LYPD6: variants seen among roughly 807,000 people sequenced by gnomAD.
The protein encoded by LYPD6 is LY6/PLAUR domain containing 6.
In LYPD6, 15 loss-of-function variants were observed where a neutral mutation model predicts 22.7. The observed-to-expected ratio is 0.66, with a 90% CI of 0.44 to 1.02. LYPD6 has a LOEUF of 1.02. LYPD6 is among the 50% of genes least tolerant of loss of function. The pLI, the probability that LYPD6 is intolerant of heterozygous loss-of-function variation, is 0.00. For synonymous variants in LYPD6, 72 were observed against 77.5 expected (o/e 0.93, Z 0.37); for missense variants, 189 against 208.4 (o/e 0.91, Z 0.57).
At chr2:149,337,135 C>T (rs1681049733) in intron 1 of LYPD6, among the ~76,000 whole-genome samples, 1 of 152,170 alleles carries the variant, frequency 6.6e-6, no homozygotes, top group African/African-American at 2.4e-5. Flanking sequence ...GCTATGAGGA[C>T]AGGCACCGAA....
chr2:149,342,878 T>C (rs953662643), intron 1 of LYPD6, among the ~76,000 whole-genome samples: 2 of 152,236 alleles, frequency 1.3e-5, no homozygotes, highest in Non-Finnish European at 1.5e-5. Context: ...TGTTATTCTT[T>C]GGTAAGGTGA....
At chr2:149,425,870 T>C (rs1266018637) in intron 1 of LYPD6, among the ~76,000 whole-genome samples, 2 of 152,236 alleles carry the variant, frequency 1.3e-5, no homozygotes, top group Non-Finnish European at 2.9e-5. Flanking sequence ...TTAGGTTGAT[T>C]TAGCCAATCT....
chr2:149,411,734 A>C (rs1266343079), intron 1 of LYPD6, among the ~76,000 whole-genome samples: 1 of 152,234 alleles, frequency 6.6e-6, no homozygotes, highest in Non-Finnish European at 1.5e-5. Flanking sequence ...ACATGGTAAG[A>C]CAATTCAAAC....
chr2:149,435,711 A>C (rs538447316), intron 1 of LYPD6, among the ~76,000 whole-genome samples: 1 of 152,234 alleles, frequency 6.6e-6, no homozygotes. Flanking sequence ...AGTGCCTGGC[A>C]GTCACATTTA....
intron 3 of LYPD6, among the ~76,000 whole-genome samples, chr2:149,464,885 G>A (rs1405819120): frequency 1.3e-5 from 2 of 152,180 alleles, no homozygotes; most frequent in Non-Finnish European, 2.9e-5. Context: ...GAAGCTGGAG[G>A]TACAATATCC....
intron 3 of LYPD6, among the ~76,000 whole-genome samples, chr2:149,465,491 T>C (rs551865285): frequency 1.1e-4 from 17 of 152,318 alleles, no homozygotes; most frequent in African/African-American, 4.1e-4. Context: ...ACCTGGAAAA[T>C]TATTCTCTAG....
intron 1 of LYPD6, among the ~76,000 whole-genome samples, chr2:149,388,373 A>G (rs1232592378): frequency 6.6e-6 from 1 of 152,190 alleles, no homozygotes; most frequent in Non-Finnish European, 1.5e-5. Flanking sequence ...TATTTATTAT[A>G]GAGTAGAATG....
At chr2:149,428,867 C>T (rs556552110) in intron 1 of LYPD6, among the ~76,000 whole-genome samples, 5 of 152,294 alleles carry the variant, frequency 3.3e-5, no homozygotes, top group African/African-American at 7.2e-5. Flanking sequence ...AGGTAACGTT[C>T]CTACTTGTCA....
chr2:149,364,573 G>T (rs1044283023), intron 1 of LYPD6, among the ~76,000 whole-genome samples: 5 of 144,152 alleles, frequency 3.5e-5, no homozygotes, highest in Non-Finnish European at 7.5e-5. Context: ...CATGTTCAAA[G>T]TCAAGCTATC....
At chr2:149,450,319 G>A (rs1683778873) in intron 3 of LYPD6, among the ~76,000 whole-genome samples, 1 of 152,152 alleles carries the variant, frequency 6.6e-6, no homozygotes, top group African/African-American at 2.4e-5. Flanking sequence ...TTTCTAAAGG[G>A]TTGTCAGGTG....
intron 1 of LYPD6, among the ~76,000 whole-genome samples, chr2:149,408,734 T>C (rs1179807174): frequency 6.6e-6 from 1 of 152,226 alleles, no homozygotes; most frequent in Non-Finnish European, 1.5e-5. Flanking sequence ...TTTCTCTAAG[T>C]GTGTCCTTGA....
rs191437480 is a variant in LYPD6 at position 149,427,129 on chromosome 2, T to C, written c.-71-10509T>C. ...TATATAGTGCCAAGGTAACTCTTTT[T>C]TTGATTAAAGGATATAAAGCATATG... On this transcript the variant is annotated intron_variant, in intron 1 of 4. Coordinates refer to ENST00000334166, the MANE Select transcript of LYPD6 (RefSeq NM_194317.5). Among the ~76,000 whole-genome samples the C allele has an allele frequency of 2.1e-3, 320 of 152,336 alleles. 2 individuals carry two copies. Among genetic ancestry groups the C allele is most frequent in the African/African-American group, 7.2e-3 (298 of 41,578 alleles).
At chr2:149,385,463 A>T (rs1369617847) in intron 1 of LYPD6, among the ~76,000 whole-genome samples, 1 of 152,212 alleles carries the variant, frequency 6.6e-6, no homozygotes, top group Non-Finnish European at 1.5e-5. Context: ...CTACCAACAG[A>T]GTCCTAATGT....
chr2:149,453,888 C>G (rs1341620674), intron 3 of LYPD6, among the ~76,000 whole-genome samples: 3 of 152,162 alleles, frequency 2.0e-5, no homozygotes, highest in Non-Finnish European at 2.9e-5. Flanking sequence ...TCTGTTGTCT[C>G]TCTGAATCCC....
the LYPD6 span, among the ~76,000 whole-genome samples, chr2:149,481,841 G>C: frequency 6.6e-6 from 1 of 152,098 alleles, no homozygotes; most frequent in Non-Finnish European, 1.5e-5. Flanking sequence ...ATGCAATGTG[G>C]TTATATTACT....
At chr2:149,339,708 A>G (rs1429024523) in intron 1 of LYPD6, among the ~76,000 whole-genome samples, 1 of 152,138 alleles carries the variant, frequency 6.6e-6, no homozygotes, top group Non-Finnish European at 1.5e-5. Flanking sequence ...GACAGAAAGC[A>G]ATGAGGTCAG....
chr2:149,431,696 A>AT (rs1431557492), intron 1 of LYPD6, among the ~76,000 whole-genome samples: 3 of 151,918 alleles, frequency 2.0e-5, no homozygotes, highest in Admixed American at 6.6e-5. Flanking sequence ...CATTGTATGC[A>AT]TTTTTTTTAG....
intron 3 of LYPD6, among the ~76,000 whole-genome samples, chr2:149,451,627 G>T (rs1473540475): frequency 6.6e-6 from 1 of 152,186 alleles, no homozygotes; most frequent in Non-Finnish European, 1.5e-5. Context: ...GTTCCATCTT[G>T]ATACTTTCTT....
At chr2:149,467,255 A>G (rs1681221019) in intron 3 of LYPD6, among the ~76,000 whole-genome samples, 1 of 152,198 alleles carries the variant, frequency 6.6e-6, no homozygotes, top group Non-Finnish European at 1.5e-5. Flanking sequence ...GCCCAATCCA[A>G]CTAACAATTC....
Sources: gnomAD v4.1 joint callset for allele counts (sites outside exome capture counted in the v4.1 genomes callset) on GRCh38, gnomAD v4.1.1 for gene constraint, MANE v1.5 for transcripts, NCBI Gene and HGNC (gene_info 2026-07-23, HGNC 2026-07-21) for gene names.